Variants in PDE8A observed in about 807,000 individuals in gnomAD.
PDE8A encodes high affinity cAMP-specific and IBMX-insensitive 3',5'-cyclic phosphodiesterase 8A.
PDE8A carries 59 observed loss-of-function variants against 105.0 expected under a neutral mutation model. That is an observed-to-expected ratio of 0.56 (90% confidence interval 0.46 to 0.70). The LOEUF (loss-of-function observed/expected upper bound fraction) is 0.70. PDE8A is among the 30% of genes least tolerant of loss of function. PDE8A has a pLI of 0.00. For missense variants in PDE8A, 1,014 were observed against 1,045.9 expected (o/e 0.97, Z 0.42); for synonymous variants, 355 against 371.9 (o/e 0.95, Z 0.52).
rs2082457422 is a variant in PDE8A, at chr15:85,138,864, A to G, written c.*961A>G. ...AATTCAATTTCCAAAAGTCTACTCTATTTTATACTGTTTCTACAAAATATT... is the reference window on the plus strand; with the variant it reads ...AATTCAATTTCCAAAAGTCTACTCTGTTTTATACTGTTTCTACAAAATATT... On this transcript the variant is annotated 3_prime_UTR_variant, in exon 22 of 22. Coordinates refer to ENST00000394553, the MANE Select transcript of PDE8A (RefSeq NM_002605.3). 1 of 152,228 alleles carries G rather than the reference A, an allele frequency of 6.6e-6. No individual in the cohort carries two copies. Among genetic ancestry groups the G allele is most frequent in the Non-Finnish European group, 1.5e-5 (1 of 68,042 alleles). The allele number at this position is 152,228 out of a possible 1,614,324, so 9.4% of individuals were successfully genotyped here. A position where few individuals can be genotyped will look rare whatever the true frequency, so the allele number is the denominator to read the frequency against.
intron 6 of PDE8A, among the ~76,000 whole-genome samples, chr15:85,084,580 A>G (rs1159962848): frequency 2.0e-5 from 3 of 152,128 alleles, no homozygotes; most frequent in Non-Finnish European, 4.4e-5. Context: ...TTAGGCTACT[A>G]CCCTCTCTCA....
At chr15:84,989,415 C>T (rs2079851958) in intron 1 of PDE8A, among the ~76,000 whole-genome samples, 1 of 152,204 alleles carries the variant, frequency 6.6e-6, no homozygotes, top group South Asian at 2.1e-4. Flanking sequence ...AGTACAGGAG[C>T]TGCTTCACTT....
intron 3 of PDE8A, among the ~76,000 whole-genome samples, chr15:85,068,712 A>T (rs1203401431): frequency 6.6e-6 from 1 of 152,172 alleles, no homozygotes; most frequent in East Asian, 1.9e-4. Context: ...GAGGGAGGAC[A>T]GGGTGAGGGG....
intron 2 of PDE8A, among the ~76,000 whole-genome samples, chr15:85,066,603 C>CACACACACACAT (rs1247596924): frequency 1.5e-4 from 10 of 66,420 alleles, no homozygotes; most frequent in African/African-American, 1.1e-3. Context: ...CACACACACA[C>CACACACACACAT]ACACACACAC....
chr15:85,071,605 T>C (rs996319759), intron 3 of PDE8A, among the ~76,000 whole-genome samples: 3 of 152,236 alleles, frequency 2.0e-5, no homozygotes, highest in Admixed American at 6.5e-5. Flanking sequence ...GCAGCAGACC[T>C]GTGCATGCCT....
At chr15:85,053,089 ATTTC>A (rs1051470858) in intron 1 of PDE8A, among the ~76,000 whole-genome samples, 8 of 152,164 alleles carry the variant, frequency 5.3e-5, no homozygotes, top group African/African-American at 1.9e-4. Flanking sequence ...TCCTTTCCCC[ATTTC>A]TTGTTTTTGT....
Position 85,013,417 on chromosome 15 carries a change from A to G in PDE8A, c.186+31069A>G, listed in dbSNP as rs1157229656. Among the ~76,000 whole-genome samples, 7 of 152,338 alleles carry G rather than the reference A, an allele frequency of 4.6e-5. No individual in the cohort carries two copies. The East Asian group carries it at 1.3e-3, about 29-fold the overall frequency. On this transcript the variant is annotated intron_variant, in intron 1 of 21. Transcript: ENST00000394553. ...AGAGTTTTTGAGATTAACTGAGATA[A>G]TGTGATAAATGATACTTTTCTTAAG... is the stretch of plus-strand genomic sequence containing the variant.
intron 1 of PDE8A, among the ~76,000 whole-genome samples, chr15:84,987,601 A>G (rs1272289431): frequency 6.6e-6 from 1 of 150,926 alleles, no homozygotes; most frequent in Non-Finnish European, 1.5e-5. Context: ...CCTCCCGAGT[A>G]GCTGGGATTA....
intron 9 of PDE8A, among the ~76,000 whole-genome samples, chr15:85,098,961 G>C (rs1306557367): frequency 6.9e-6 from 1 of 144,322 alleles, no homozygotes; most frequent in African/African-American, 2.5e-5. Flanking sequence ...TGTCTCAAAA[G>C]GAAAAAAAAA....
intron 12 of PDE8A, among the ~76,000 whole-genome samples, chr15:85,110,659 G>A (rs534997875): frequency 4.9e-4 from 75 of 152,236 alleles, no homozygotes; most frequent in African/African-American, 1.8e-3. Context: ...TCCGTTACAG[G>A]AATATACCAC....
intron 5 of PDE8A, among the ~76,000 whole-genome samples, chr15:85,082,667 A>G (rs143962237): frequency 1.8e-4 from 28 of 152,310 alleles, no homozygotes; most frequent in African/African-American, 6.7e-4. Context: ...TGATATGCAG[A>G]GGCTCTGCCT....
At chr15:85,116,605 T>G (rs1315213654) in intron 16 of PDE8A, among the ~76,000 whole-genome samples, 1 of 151,888 alleles carries the variant, frequency 6.6e-6, no homozygotes, top group Non-Finnish European at 1.5e-5. Flanking sequence ...TTGCCTTGAG[T>G]TTTTTCCCTT....
intron 1 of PDE8A, among the ~76,000 whole-genome samples, chr15:84,997,847 G>A (rs1448278038): frequency 2.6e-5 from 4 of 152,046 alleles, no homozygotes; most frequent in African/African-American, 4.8e-5. Context: ...TGCCTGCCTC[G>A]GCCTCCCAAA....
chr15:85,033,603 A>T (rs1262109661), intron 1 of PDE8A, among the ~76,000 whole-genome samples: 1 of 152,090 alleles, frequency 6.6e-6, no homozygotes, highest in African/African-American at 2.4e-5. Flanking sequence ...GGTGGCTCAC[A>T]CTTGTAATCC....
intron 12 of PDE8A, among the ~76,000 whole-genome samples, chr15:85,111,561 T>C (rs893226625): frequency 6.6e-6 from 1 of 152,238 alleles, no homozygotes; most frequent in Non-Finnish European, 1.5e-5. Context: ...GTTCTGTTTG[T>C]TTACGCTTGT....
intron 1 of PDE8A, among the ~76,000 whole-genome samples, chr15:85,006,573 T>C (rs1258138014): frequency 2.0e-5 from 3 of 152,256 alleles, no homozygotes; most frequent in Admixed American, 2.0e-4. Context: ...TTATCAACCA[T>C]TTGTAATTTT....
At chr15:85,093,018 C>T (rs2081673483) in intron 8 of PDE8A, among the ~76,000 whole-genome samples, 1 of 151,886 alleles carries the variant, frequency 6.6e-6, no homozygotes, top group Non-Finnish European at 1.5e-5. Context: ...AGGCAGTCCT[C>T]CCACCTCAGC....
chr15:85,039,950 A>G (rs2080774087), intron 1 of PDE8A, among the ~76,000 whole-genome samples: 1 of 152,184 alleles, frequency 6.6e-6, no homozygotes, highest in South Asian at 2.1e-4. Flanking sequence ...GGAGTGGTAG[A>G]TGGGAAAAGA....
At chr15:85,122,701 GC>G (rs1242856318) in intron 18 of PDE8A, among the ~76,000 whole-genome samples, 2 of 152,208 alleles carry the variant, frequency 1.3e-5, no homozygotes, top group African/African-American at 4.8e-5. Flanking sequence ...TGATTTCGCA[GC>G]TTTCAGAAGA....
Sources: allele counts gnomAD v4.1 joint callset (sites outside exome capture counted in the v4.1 genomes callset), GRCh38; gene constraint gnomAD v4.1.1; transcripts MANE v1.5; gene names NCBI Gene and HGNC (gene_info 2026-07-23, HGNC 2026-07-21).